Variants in FAM13A observed in about 807,000 individuals in gnomAD.
The protein encoded by FAM13A is protein FAM13A.
A neutral mutation model predicts 129.6 loss-of-function variants in FAM13A; 76 were observed. The ratio of observed to expected loss-of-function variants is 0.59; its 90% confidence interval spans 0.49 to 0.71. FAM13A has a LOEUF of 0.71. FAM13A is among the 30% of genes least tolerant of loss of function. The pLI, the probability that FAM13A is intolerant of heterozygous loss-of-function variation, is 0.00. For synonymous variants in FAM13A, 443 were observed against 449.9 expected (o/e 0.98, Z 0.20); for missense variants, 1,108 against 1,249.3 (o/e 0.89, Z 1.70).
chr4:88,816,739 A>G (rs1419564468), intron 7 of FAM13A, among the ~76,000 whole-genome samples: 2 of 152,190 alleles, frequency 1.3e-5, no homozygotes, highest in Non-Finnish European at 1.5e-5. Flanking sequence ...ACAAATGGCT[A>G]TTCTTTAGAC....
intron 5 of FAM13A, among the ~76,000 whole-genome samples, chr4:88,914,729 T>C (rs190740123): frequency 1.4e-4 from 21 of 152,380 alleles, no homozygotes; most frequent in Middle Eastern, 3.4e-3. Context: ...CCAAGAAGTC[T>C]TTAAGGCTCA....
chr4:88,917,661 C>T (rs990622005), intron 5 of FAM13A, among the ~76,000 whole-genome samples: 11 of 152,166 alleles, frequency 7.2e-5, no homozygotes, highest in Admixed American at 1.3e-4. Context: ...TACTTATGTG[C>T]TTATCCCATT....
chr4:89,010,729 T>C (rs146437720), intron 3 of FAM13A, among the ~76,000 whole-genome samples: 1,902 of 152,276 alleles, frequency 0.012, 44 homozygotes, highest in African/African-American at 0.043. Context: ...CCCTCTGCCA[T>C]CATGTGGTTC....
chr4:88,835,195 G>A (rs184316916), intron 7 of FAM13A, among the ~76,000 whole-genome samples: 73 of 152,126 alleles, frequency 4.8e-4, no homozygotes, highest in South Asian at 6.2e-4. Context: ...GCCCCCTATC[G>A]TGCCCTGCTT....
intron 7 of FAM13A, among the ~76,000 whole-genome samples, chr4:88,838,588 G>T (rs1423662965): frequency 2.0e-5 from 3 of 152,050 alleles, no homozygotes; most frequent in African/African-American, 7.2e-5. Flanking sequence ...TTAGCCGGGC[G>T]TGGTGGCGGG....
intron 8 of FAM13A, among the ~76,000 whole-genome samples, chr4:88,804,736 A>T (rs1325122423): frequency 6.6e-6 from 1 of 152,148 alleles, no homozygotes; most frequent in Non-Finnish European, 1.5e-5. Context: ...TTACAGCCTA[A>T]TCATCAGGCA....
At chr4:88,969,070 A>T (rs1759732404) in intron 4 of FAM13A, among the ~76,000 whole-genome samples, 1 of 152,184 alleles carries the variant, frequency 6.6e-6, no homozygotes. Flanking sequence ...AAAGACACAT[A>T]ATTTCCATCT....
intron 3 of FAM13A, among the ~76,000 whole-genome samples, chr4:89,013,502 T>G (rs1161400352): frequency 6.6e-6 from 1 of 152,076 alleles, no homozygotes; most frequent in Non-Finnish European, 1.5e-5. Context: ...ATTACAGTCA[T>G]GCACTGCACA....
chr4:89,049,213 T>C (rs1279699701), intron 1 of FAM13A, among the ~76,000 whole-genome samples: 1 of 151,884 alleles, frequency 6.6e-6, no homozygotes, highest in Non-Finnish European at 1.5e-5. Context: ...TAGTGAGCTA[T>C]GATCTCACTA....
chr4:88,809,989 C>T (rs1387716297), intron 7 of FAM13A, among the ~76,000 whole-genome samples: 1 of 151,554 alleles, frequency 6.6e-6, no homozygotes, highest in Admixed American at 6.6e-5. Context: ...ACCCAGGCAG[C>T]TTTGTTTATA....
intron 6 of FAM13A, among the ~76,000 whole-genome samples, chr4:88,890,353 G>A (rs377540597): frequency 2.0e-5 from 3 of 152,184 alleles, no homozygotes; most frequent in Admixed American, 6.5e-5. Context: ...TGGATCCTCC[G>A]AACCAGGGAG....
chr4:88,882,449 C>T (rs1400101018), intron 6 of FAM13A, among the ~76,000 whole-genome samples: 2 of 151,906 alleles, frequency 1.3e-5, no homozygotes. Context: ...TCAGACAATA[C>T]AATCTTTTTC....
At chr4:88,950,946 G>C (rs553439123) in intron 4 of FAM13A, among the ~76,000 whole-genome samples, 1 of 152,312 alleles carries the variant, frequency 6.6e-6, no homozygotes, top group East Asian at 1.9e-4. Context: ...CAGAGAACCT[G>C]CATTAGATAG....
At chr4:88,772,167 G>C (rs1453707317) in intron 11 of FAM13A, among the ~76,000 whole-genome samples, 1 of 152,146 alleles carries the variant, frequency 6.6e-6, no homozygotes, top group African/African-American at 2.4e-5. Context: ...AAGGCTACAG[G>C]AATGCTGTTA....
chr4:88,947,183 C>T (rs1387389148), intron 4 of FAM13A, among the ~76,000 whole-genome samples: 1 of 152,038 alleles, frequency 6.6e-6, no homozygotes, highest in Non-Finnish European at 1.5e-5. Context: ...CTGAGGTGGG[C>T]AGATCACTTG....
chr4:88,903,688 G>A (rs997492546), intron 6 of FAM13A, among the ~76,000 whole-genome samples: 1 of 152,062 alleles, frequency 6.6e-6, no homozygotes. Context: ...AGAAAATCTA[G>A]GCAATACCAT....
At chr4:89,021,475 A>T (rs1767248016) in intron 2 of FAM13A, among the ~76,000 whole-genome samples, 1 of 152,224 alleles carries the variant, frequency 6.6e-6, no homozygotes, top group African/African-American at 2.4e-5. Flanking sequence ...ACAAAGATAA[A>T]CAAAAATATG....
intron 7 of FAM13A, among the ~76,000 whole-genome samples, chr4:88,837,453 C>T (rs576255644): frequency 1.3e-4 from 19 of 150,994 alleles, no homozygotes; most frequent in African/African-American, 4.2e-4. Context: ...CGGTGGCTCA[C>T]GCCTGTAATC....
chr4:88,871,035 C>T (rs937483145), intron 6 of FAM13A, among the ~76,000 whole-genome samples: 20 of 152,240 alleles, frequency 1.3e-4, no homozygotes, highest in Admixed American at 1.3e-4. Context: ...CAAACTCCAA[C>T]AGACCTGCAG....
Sources: allele counts gnomAD v4.1 joint callset (sites outside exome capture counted in the v4.1 genomes callset), GRCh38; gene constraint gnomAD v4.1.1; transcripts MANE v1.5; gene names NCBI Gene and HGNC (gene_info 2026-07-23, HGNC 2026-07-21).